SMARCA4: variants seen among roughly 807,000 people sequenced by gnomAD.
SMARCA4 encodes SWI/SNF related BAF chromatin remodeling complex subunit ATPase 4, also known as SWI/SNF-related matrix-associated actin-dependent regulator of chromatin subfamily A member 4.
SMARCA4 carries 31 observed loss-of-function variants against 193.9 expected under a neutral mutation model. The observed-to-expected ratio is 0.16, with a 90% CI of 0.12 to 0.22. SMARCA4 has a LOEUF of 0.22. Among genes scored for constraint, SMARCA4 ranks in the 10% least tolerant of loss-of-function variants. The probability of loss-of-function intolerance (pLI) is 1.00; values close to 1 mark genes in which losing one functional copy is unlikely to be tolerated. For synonymous variants in SMARCA4, 942 were observed against 933.1 expected, an observed-to-expected ratio of 1.01 and a Z score of -0.17; for missense variants, 1,148 against 2,296.0, an observed-to-expected ratio of 0.50 and a Z score of 10.22.
At chr19:11,043,068 A>G (rs1401612735) in intron 30 of SMARCA4, among the ~76,000 whole-genome samples, 2 of 152,208 alleles carry the variant, frequency 1.3e-5, no homozygotes, top group Non-Finnish European at 2.9e-5. Context: ...AGGCGGGCGG[A>G]TCACTTGAGG....
chr19:10,994,102 C>T (rs537483878), intron 8 of SMARCA4, among the ~76,000 whole-genome samples: 6 of 151,902 alleles, frequency 3.9e-5, no homozygotes, highest in East Asian at 1.9e-4. Context: ...TACAGTGGTG[C>T]GATCTCAGCT....
chr19:11,013,154 C>T (rs377576725), intron 16 of SMARCA4, 42 bp downstream of exon 16: 6 of 1,604,228 alleles, frequency 3.7e-6, no homozygotes, highest in African/African-American at 1.3e-5. Context: ...GCCGCTCACA[C>T]GCTCCTGTGT....
intron 16 of SMARCA4, among the ~76,000 whole-genome samples, chr19:11,018,110 C>T (rs978519784): frequency 2.6e-5 from 4 of 152,226 alleles, no homozygotes; most frequent in Admixed American, 2.6e-4. Context: ...GTGGACACAG[C>T]ACCTCCCTCG....
chr19:10,982,555 G>A (rs535710091), intron 1 of SMARCA4, among the ~76,000 whole-genome samples: 188 of 151,258 alleles, frequency 1.2e-3, no homozygotes, highest in African/African-American at 4.3e-3. Context: ...GCTGGAGTGC[G>A]GTGGCACGAT....
At chr19:11,050,203 C>T (rs769340101) in intron 30 of SMARCA4, among the ~76,000 whole-genome samples, 1 of 152,260 alleles carries the variant, frequency 6.6e-6, no homozygotes, top group Non-Finnish European at 1.5e-5. Flanking sequence ...ACAATGGCTG[C>T]AGACTATGCT....
chr19:10,961,282 G>A (rs2083775801), intron 1 of SMARCA4, 108 bp downstream of exon 1: 1 of 149,654 alleles, frequency 6.7e-6, no homozygotes, highest in African/African-American at 2.4e-5. Context: ...CCCTGTGCGG[G>A]GCCGGGGTAC....
rs779390573 is a variant in SMARCA4 at position 10,987,647 on chromosome 19, G to A, written c.860-19G>A. 1.2e-6 allele frequency: 2 copies of A among 1,612,878 alleles called. No homozygotes were observed. Among genetic ancestry groups the A allele is most frequent in the East Asian group, 2.2e-5 (1 of 44,874 alleles). On this transcript the variant is annotated intron_variant, in intron 5 of 34. Transcript: ENST00000344626. The surrounding 1 kb of genome is among the most constrained non-coding windows in gnomAD (Gnocchi z 5.3). Reference sequence around the variant, plus strand: ...CCCCAGAGCTCAACATGACGCCCTGGCCCCTTGCCTTCTCCCAGGACCCAT... The same window carrying A: ...CCCCAGAGCTCAACATGACGCCCTGACCCCTTGCCTTCTCCCAGGACCCAT...
intron 30 of SMARCA4, among the ~76,000 whole-genome samples, chr19:11,043,120 CT>C (rs2075713693): frequency 6.6e-6 from 1 of 152,020 alleles, no homozygotes; most frequent in African/African-American, 2.4e-5. Flanking sequence ...GCGAAACCCC[CT>C]CTCTACTAAA....
intron 23 of SMARCA4, 64 bp downstream of exon 23, chr19:11,026,410 G>A (rs1285858279): frequency 7.7e-7 from 1 of 1,301,380 alleles, no homozygotes; most frequent in Non-Finnish European, 1.1e-6. Context: ...CTGTCGTTTT[G>A]TTGGCTTTAT....
intron 13 of SMARCA4, among the ~76,000 whole-genome samples, chr19:11,004,312 C>T (rs1286694533): frequency 1.3e-5 from 2 of 149,874 alleles, no homozygotes; most frequent in African/African-American, 2.5e-5. Flanking sequence ...TGCAGTGGCG[C>T]GATCTCGCTC....
chr19:11,009,686 ACTTTT>A (rs2088625087), intron 14 of SMARCA4, among the ~76,000 whole-genome samples: 1 of 140,654 alleles, frequency 7.1e-6, no homozygotes, highest in Non-Finnish European at 1.5e-5. Flanking sequence ...CGCCCGGCTA[ACTTTT>A]TTTTTTTTTT....
In SMARCA4 at chr19:10,966,263, C is replaced by T. The variant is rs112733838; in HGVS notation, c.-32+5089C>T. On this transcript the variant is annotated intron_variant, in intron 1 of 34. Coordinates refer to ENST00000344626, the MANE Select transcript of SMARCA4 (RefSeq NM_003072.5). ...CCTCCCAAAGTGCTGGGATTACAGA[C>T]GTGAGCTACCGCGCCCGGCCAGGTT... 1.9e-3 allele frequency among the ~76,000 whole-genome samples: 289 copies of T among 152,110 alleles called. 1 individual carries two copies. The highest frequency in any genetic ancestry group is 6.8e-3 in the Middle Eastern group (2 of 294).
intron 34 of SMARCA4, 124 bp downstream of exon 34, chr19:11,060,311 T>G: frequency 1.6e-6 from 2 of 1,247,042 alleles, no homozygotes; most frequent in Non-Finnish European, 2.3e-6. Context: ...AAGCTGAGGC[T>G]TGACCTGCCA....
Position 11,030,543 on chromosome 19 carries a change from G to A in SMARCA4, c.3383-187G>A, listed in dbSNP as rs560592217. On this transcript the variant is annotated intron_variant, in intron 24 of 34. Transcript: ENST00000344626. The surrounding 1 kb of genome is among the most constrained non-coding windows in gnomAD (Gnocchi z 5.5). ...GGGATGTGTGGAGAGACGTTTTGTG[G>A]TGAAACACTGGAAATCCAGTTATTC... Among the ~76,000 whole-genome samples, 27 of 152,340 alleles carry A rather than the reference G, an allele frequency of 1.8e-4. No homozygotes were observed. The East Asian group carries it at 5.0e-3, about 28-fold the overall frequency.
chr19:10,984,247 G>A lies in SMARCA4; in HGVS notation c.96G>A (p.Pro32=), dbSNP rs761597013. ...PSPGAMLGPS[P]GPSPGSAHSM... is the part of the protein sequence containing the mutation. ...CTGGAGCCATGCTGGGCCCTAGCCC[G>A]GGTCCCTCGCCGGGCTCCGCCCACA... The change falls in exon 2 of 35, where the codon CCG becomes CCA. Residue 32 remains proline (P), a synonymous_variant. Coordinates refer to ENST00000344626, the MANE Select transcript of SMARCA4 (RefSeq NM_003072.5). The surrounding 1 kb of genome is among the most constrained non-coding windows in gnomAD (Gnocchi z 4.3). 50 of 1,612,358 alleles carry A rather than the reference G, an allele frequency of 3.1e-5. No homozygotes were observed. The highest frequency in any genetic ancestry group is 1.7e-4 in the Middle Eastern group (1 of 6,036).
intron 30 of SMARCA4, among the ~76,000 whole-genome samples, chr19:11,055,903 A>G (rs997188824): frequency 1.3e-5 from 2 of 151,902 alleles, no homozygotes; most frequent in African/African-American, 4.8e-5. Flanking sequence ...AAAATGTAAT[A>G]GAATGGAAAA....
chr19:11,000,823 G>T (rs899002766), intron 11 of SMARCA4, among the ~76,000 whole-genome samples: 2 of 143,930 alleles, frequency 1.4e-5, no homozygotes, highest in Admixed American at 6.9e-5. Context: ...TCACACCACT[G>T]CACTCCAGCC....
In SMARCA4 at chr19:10,986,483, T is replaced by G. The variant is rs1060502066; in HGVS notation, c.650T>G (p.Met217Arg). ...KRPMPGMQQQ[M>R]PTLPPPSVSA... ...CCGATGCCCGGGATGCAGCAGCAGA[T>G]GCCAACGCTACCTCCACCCTCGGTG... is the stretch of plus-strand genomic sequence containing the variant. The change falls in exon 4 of 35, where the codon ATG (methionine) becomes AGG (arginine). Residue 217 changes from methionine to arginine, a missense_variant. Transcript: ENST00000344626. This position sits in a 1 kb window ranked among gnomAD's most constrained non-coding sequence, Gnocchi z 6.7. The G allele has an allele frequency of 6.4e-7, 1 of 1,551,820 alleles. No homozygotes were observed. Among genetic ancestry groups the G allele is most frequent in the Admixed American group, 2.0e-5 (1 of 51,224 alleles).
At chr19:10,961,940 G>A (rs2145366134) in intron 1 of SMARCA4, among the ~76,000 whole-genome samples, 1 of 142,214 alleles carries the variant, frequency 7.0e-6, no homozygotes, top group Admixed American at 7.0e-5. Context: ...TTGGGCGAGT[G>A]TTTTGTCCCG....
Sources: allele counts gnomAD v4.1 joint callset (sites outside exome capture counted in the v4.1 genomes callset), GRCh38; gene constraint gnomAD v4.1.1; non-coding constraint Gnocchi (gnomAD v3.1); transcripts MANE v1.5; gene names NCBI Gene and HGNC (gene_info 2026-07-23, HGNC 2026-07-21).